Variants in HS6ST3 observed in about 807,000 individuals in gnomAD.
HS6ST3 encodes the protein heparan-sulfate 6-O-sulfotransferase 3.
A neutral mutation model predicts 36.7 loss-of-function variants in HS6ST3; 12 were observed. The ratio of observed to expected loss-of-function variants is 0.33; its 90% CI spans 0.21 to 0.53. The LOEUF is 0.53. Among genes scored for constraint, HS6ST3 ranks in the 20% least tolerant of loss-of-function variants. HS6ST3 has a pLI of 0.95. For synonymous variants in HS6ST3, 240 were observed against 257.5 expected, an observed-to-expected ratio of 0.93 and a Z score of 0.65; for missense variants, 584 against 640.9, an observed-to-expected ratio of 0.91 and a Z score of 0.96.
At chr13:96,526,486 A>G (rs2056114993) in intron 1 of HS6ST3, among the ~76,000 whole-genome samples, 1 of 152,128 alleles carries the variant, frequency 6.6e-6, no homozygotes, top group South Asian at 2.1e-4. Context: ...TCCTTGTTCT[A>G]ATCCTCTCCA....
intron 1 of HS6ST3, among the ~76,000 whole-genome samples, chr13:96,715,349 A>T (rs1875669664): frequency 6.6e-6 from 1 of 152,094 alleles, no homozygotes. Context: ...TGGATTAGAG[A>T]AGTACATTTG....
intron 1 of HS6ST3, among the ~76,000 whole-genome samples, chr13:96,635,233 T>A (rs1251658345): frequency 6.8e-6 from 1 of 147,602 alleles, no homozygotes; most frequent in African/African-American, 2.5e-5. Context: ...AGGATTTCAA[T>A]GCCCATCTTT....
chr13:96,670,320 G>A lies in HS6ST3; in HGVS notation c.708-162170G>A, dbSNP rs546478874. On this transcript the variant is annotated intron_variant, in intron 1 of 1. Coordinates refer to ENST00000376705, the MANE Select transcript of HS6ST3 (RefSeq NM_153456.4). ...AGGTAATAGGGACAAAAGTCTGTTT[G>A]AGGTAGATTCAAGAGAGAATGGCAG... is the stretch of plus-strand genomic sequence containing the variant. 2.6e-5 allele frequency among the ~76,000 whole-genome samples: 4 copies of A among 152,238 alleles called. No homozygotes were observed. In the East Asian group the frequency reaches 5.8e-4, roughly 22 times the overall value.
intron 1 of HS6ST3, among the ~76,000 whole-genome samples, chr13:96,548,103 C>T (rs941964301): frequency 2.0e-5 from 3 of 152,144 alleles, no homozygotes; most frequent in Admixed American, 6.5e-5. Context: ...GCACGCCCCC[C>T]ACACCGTGCC....
intron 1 of HS6ST3, among the ~76,000 whole-genome samples, chr13:96,641,884 T>C (rs1485662196): frequency 6.6e-6 from 1 of 151,908 alleles, no homozygotes; most frequent in Non-Finnish European, 1.5e-5. Flanking sequence ...TATTTCATTA[T>C]GAAATTGCCT....
chr13:96,379,756 T>A (rs1466574493), intron 1 of HS6ST3, among the ~76,000 whole-genome samples: 1 of 152,182 alleles, frequency 6.6e-6, no homozygotes, highest in Admixed American at 6.5e-5. Context: ...GAATCTGCAC[T>A]TTGATAACCT....
Position 96,112,578 on chromosome 13 carries a change from A to AATATACATATATATATATATATATAT in HS6ST3, c.707+21014_707+21015insCATATATATATATATATATATATATA, listed in dbSNP as rs397773858. Among the ~76,000 whole-genome samples, 61 of 81,248 alleles carry AATATACATATATATATATATATATAT rather than the reference A, an allele frequency of 7.5e-4. 21 individuals are homozygous for AATATACATATATATATATATATATAT. The highest frequency in any genetic ancestry group is 1.2e-3 in the Non-Finnish European group (50 of 42,982). 53.3% of individuals were successfully genotyped at this position (81,248 alleles called of 152,430 possible). On this transcript the variant is annotated intron_variant, in intron 1 of 1. Transcript: ENST00000376705. ...TAAAACCCCATCTCTAAAATAAATA[A>AATATACATATATATATATATATATAT]ATATATATATATATATATATATATA...
At chr13:96,175,116 C>T (rs1216258017) in intron 1 of HS6ST3, among the ~76,000 whole-genome samples, 2 of 152,134 alleles carry the variant, frequency 1.3e-5, no homozygotes, top group Admixed American at 6.5e-5. Context: ...TTTCTTGGAT[C>T]CCCTATACTC....
At chr13:96,757,536 T>G (rs1876862637) in intron 1 of HS6ST3, among the ~76,000 whole-genome samples, 1 of 152,194 alleles carries the variant, frequency 6.6e-6, no homozygotes, top group Non-Finnish European at 1.5e-5. Context: ...TGAATAAAAT[T>G]GCTATGATTT....
chr13:96,322,787 A>G (rs190169369), intron 1 of HS6ST3, among the ~76,000 whole-genome samples: 4 of 152,282 alleles, frequency 2.6e-5, no homozygotes, highest in East Asian at 3.9e-4. Flanking sequence ...CTGTCACTCA[A>G]TTGAAACTGT....
chr13:96,706,393 A>G (rs1479618013), intron 1 of HS6ST3, among the ~76,000 whole-genome samples: 2 of 138,892 alleles, frequency 1.4e-5, no homozygotes, highest in Non-Finnish European at 3.0e-5. Context: ...TTATATATAT[A>G]AAATATAATA....
intron 1 of HS6ST3, among the ~76,000 whole-genome samples, chr13:96,453,584 G>A (rs1036324993): frequency 5.9e-5 from 9 of 152,152 alleles, no homozygotes; most frequent in African/African-American, 1.9e-4. Context: ...CCTTTCCCTA[G>A]GTAGTACACC....
At chr13:96,781,863 G>A (rs778758059) in intron 1 of HS6ST3, among the ~76,000 whole-genome samples, 3 of 152,048 alleles carry the variant, frequency 2.0e-5, no homozygotes, top group Non-Finnish European at 2.9e-5. Flanking sequence ...TGACAAATAC[G>A]TTATTGTTGG....
At chr13:96,640,687 G>A (rs928521481) in intron 1 of HS6ST3, among the ~76,000 whole-genome samples, 2 of 151,998 alleles carry the variant, frequency 1.3e-5, no homozygotes, top group South Asian at 2.1e-4. Flanking sequence ...CTTATAGTTC[G>A]AGGTCTTACA....
chr13:96,698,436 A>AG (rs1053256368), intron 1 of HS6ST3, among the ~76,000 whole-genome samples: 8 of 152,176 alleles, frequency 5.3e-5, no homozygotes, highest in African/African-American at 1.9e-4. Flanking sequence ...TTCTTAATCC[A>AG]GTCTATCATT....
intron 1 of HS6ST3, among the ~76,000 whole-genome samples, chr13:96,710,661 A>T (rs2138460598): frequency 6.6e-6 from 1 of 152,360 alleles, no homozygotes. Context: ...ACAGGCCTGG[A>T]TACTGCGGGA....
chr13:96,420,233 G>A (rs1300344605), intron 1 of HS6ST3, among the ~76,000 whole-genome samples: 1 of 151,876 alleles, frequency 6.6e-6, no homozygotes, highest in Non-Finnish European at 1.5e-5. Flanking sequence ...GGGAGTCCCT[G>A]GTGAGTACCC....
At chr13:96,514,500 C>T (rs778686840) in intron 1 of HS6ST3, among the ~76,000 whole-genome samples, 4 of 152,100 alleles carry the variant, frequency 2.6e-5, no homozygotes, top group African/African-American at 4.8e-5. Context: ...GCTTTTAGGA[C>T]GTAATTAAGG....
chr13:96,109,051 C>T (rs2139299113), intron 1 of HS6ST3, among the ~76,000 whole-genome samples: 1 of 152,272 alleles, frequency 6.6e-6, no homozygotes, highest in Non-Finnish European at 1.5e-5. Flanking sequence ...TTAACTCTAT[C>T]ATAGTTAGCA....
Sources: gnomAD v4.1 joint callset for allele counts (sites outside exome capture counted in the v4.1 genomes callset) on GRCh38, gnomAD v4.1.1 for gene constraint, MANE v1.5 for transcripts, NCBI Gene and HGNC (gene_info 2026-07-23, HGNC 2026-07-21) for gene names.